The following PALD1 variants were observed in gnomAD, a reference collection of about 807,000 sequenced individuals.
PALD1 encodes paladin.
PALD1 carries 57 observed loss-of-function variants against 96.0 expected under a neutral mutation model. The observed-to-expected ratio is 0.59, with a 90% CI of 0.48 to 0.74. The LOEUF (loss-of-function observed/expected upper bound fraction) is 0.74, where lower values mean the gene tolerates loss of function less well. Ranked by LOEUF, PALD1 falls within the 30% of genes least tolerant of loss-of-function variation. The pLI is 0.00. For synonymous variants in PALD1, 464 were observed against 473.6 expected, an observed-to-expected ratio of 0.98 and a Z score of 0.26; for missense variants, 1,063 against 1,143.7, an observed-to-expected ratio of 0.93 and a Z score of 1.02.
At chr10:70,477,600 C>A (rs1280686143), upstream of PALD1, among the ~76,000 whole-genome samples, 1 of 152,176 alleles carries the variant, frequency 6.6e-6, no homozygotes, top group East Asian at 1.9e-4. Context: ...TATAACTTCG[C>A]GAGGCACTTA....
intron 19 of PALD1, 117 bp downstream of exon 19, chr10:70,564,636 GC>G (rs1311634621): frequency 2.2e-6 from 2 of 919,662 alleles, no homozygotes; most frequent in Non-Finnish European, 3.3e-6. Context: ...GGCGGGAAGA[GC>G]CCCCATCCCC....
At chr10:70,519,280 C>T (rs189664155) in intron 1 of PALD1, among the ~76,000 whole-genome samples, 175 of 152,156 alleles carry the variant, frequency 1.2e-3, no homozygotes, top group African/African-American at 3.8e-3. Context: ...TACGACAAAA[C>T]GCCATGAACT....
chr10:70,528,035 G>GT (rs377076283), intron 2 of PALD1, among the ~76,000 whole-genome samples: 105 of 152,196 alleles, frequency 6.9e-4, no homozygotes, highest in Middle Eastern at 3.4e-3. Flanking sequence ...GCGGTGTTTG[G>GT]TTTTTTGTCC....
chr10:70,532,856 C>T (rs1014338369), intron 6 of PALD1, 75 bp downstream of exon 6: 2 of 1,560,706 alleles, frequency 1.3e-6, no homozygotes, highest in African/African-American at 1.4e-5. Context: ...TCAGTTTCAC[C>T]ATCTGCAGGT....
At chr10:70,520,673 TTTTC>T (rs1330260010) in intron 1 of PALD1, among the ~76,000 whole-genome samples, 2 of 137,846 alleles carry the variant, frequency 1.5e-5, no homozygotes, top group African/African-American at 2.8e-5. Context: ...GTTTCTTTTC[TTTTC>T]TTTCTTTCTT....
intron 1 of PALD1, among the ~76,000 whole-genome samples, chr10:70,501,581 G>A (rs1441971106): frequency 6.6e-6 from 1 of 152,224 alleles, no homozygotes. Context: ...TGGGGTCAGG[G>A]TCCCTTGGGC....
At chr10:70,503,191 T>G (rs1846329774) in intron 1 of PALD1, among the ~76,000 whole-genome samples, 1 of 152,206 alleles carries the variant, frequency 6.6e-6, no homozygotes, top group Non-Finnish European at 1.5e-5. Context: ...ATTTCTGGGT[T>G]TTCCATTACA....
chr10:70,533,006 T>C lies in PALD1; in HGVS notation c.806T>C (p.Leu269Pro). Residue 269 changes from leucine to proline, a missense_variant, in exon 7 of 20, where the codon CTG becomes CCG. Leu to Pro is a moderately conservative substitution (Grantham distance 98). Transcript: ENST00000263563. ...FLQPTYRYHR[L>P]PLPEQGSPLE... ...CCCTCACCTGGCAGGTACCACCGCC[T>C]GCCCCTGCCCGAGCAAGGGAGTCCC... 1 of 1,580,146 alleles carries C rather than the reference T, an allele frequency of 6.3e-7. No individual in the cohort carries two copies. Among genetic ancestry groups the C allele is most frequent in the Admixed American group, 1.8e-5 (1 of 55,476 alleles).
Position 70,529,225 on chromosome 10 carries a change from C to G in PALD1, c.186-4C>G, listed in dbSNP as rs778468288. The G allele has an allele frequency of 1.0e-4, 29 of 288,506 alleles. 4 individuals carry two copies. Among genetic ancestry groups the G allele is most frequent in the Admixed American group, 7.8e-4 (17 of 21,748 alleles). 17.9% of individuals were successfully genotyped at this position (288,506 alleles called of 1,614,324 possible). On this transcript the variant is annotated splice_region_variant and splice_polypyrimidine_tract_variant and intron_variant, in intron 2 of 19. Coordinates refer to ENST00000263563, the MANE Select transcript of PALD1 (RefSeq NM_014431.3). Reference sequence around the variant, plus strand: ...TCCATTCTGCCCCCCCCCCCCCCCCCCAGGTACAACTGCAAGGAGGAGTTC... The same window carrying G: ...TCCATTCTGCCCCCCCCCCCCCCCCGCAGGTACAACTGCAAGGAGGAGTTC...
intron 1 of PALD1, among the ~76,000 whole-genome samples, chr10:70,489,862 A>G (rs1414956091): frequency 6.6e-6 from 1 of 152,158 alleles, no homozygotes; most frequent in Non-Finnish European, 1.5e-5. Flanking sequence ...AGATTTGCTA[A>G]TTCTAGACAT....
chr10:70,494,366 A>G (rs1158254557), intron 1 of PALD1, among the ~76,000 whole-genome samples: 2 of 152,232 alleles, frequency 1.3e-5, no homozygotes, highest in Non-Finnish European at 1.5e-5. Flanking sequence ...TGCCTCACAC[A>G]TAGGTGGTGT....
chr10:70,470,508 C>CTAGAG, the PALD1 span, among the ~76,000 whole-genome samples: 3 of 149,338 alleles, frequency 2.0e-5, no homozygotes, highest in Non-Finnish European at 4.5e-5. Flanking sequence ...GTATACAAGC[C>CTAGAG]TATAAGTGTG....
At chr10:70,493,793 T>A (rs2132275779) in intron 1 of PALD1, among the ~76,000 whole-genome samples, 1 of 152,354 alleles carries the variant, frequency 6.6e-6, no homozygotes, top group South Asian at 2.1e-4. Context: ...TGTCCTCTGC[T>A]GCTAGCCCCG....
chr10:70,498,662 C>T (rs528149601), intron 1 of PALD1, among the ~76,000 whole-genome samples: 3 of 151,772 alleles, frequency 2.0e-5, no homozygotes, highest in South Asian at 4.2e-4. Context: ...CGCGGTGGCT[C>T]ACGCCTGTAA....
upstream of PALD1, among the ~76,000 whole-genome samples, chr10:70,475,100 A>T (rs1845805964): frequency 6.6e-6 from 1 of 152,242 alleles, no homozygotes; most frequent in Non-Finnish European, 1.5e-5. Context: ...TTTCCCAGGA[A>T]GCAAGAACTG....
In PALD1 at chr10:70,540,547, G is replaced by C. The variant is rs367943881; in HGVS notation, c.1909-555G>C. Among the ~76,000 whole-genome samples, 1 of 152,082 alleles carries C rather than the reference G, an allele frequency of 6.6e-6. No homozygotes were observed. Among genetic ancestry groups the C allele is most frequent in the African/African-American group, 2.4e-5 (1 of 41,376 alleles). On this transcript the variant is annotated intron_variant, in intron 15 of 19. Coordinates refer to ENST00000263563, the MANE Select transcript of PALD1 (RefSeq NM_014431.3). This position sits in a 1 kb window ranked among gnomAD's most constrained non-coding sequence, Gnocchi z 4.2. Reference sequence around the variant, plus strand: ...GTAGGTGAGCCACCGTGTGCGTGGTGCGTGTGTTGTAGGTGGGTCGCTGTG... The same window carrying C: ...GTAGGTGAGCCACCGTGTGCGTGGTCCGTGTGTTGTAGGTGGGTCGCTGTG...
chr10:70,482,796 T>A (rs954399719), intron 1 of PALD1, among the ~76,000 whole-genome samples: 2 of 152,144 alleles, frequency 1.3e-5, no homozygotes, highest in Admixed American at 6.5e-5. Context: ...AGCAACTCCC[T>A]TATGAGAATG....
intron 1 of PALD1, among the ~76,000 whole-genome samples, chr10:70,519,699 C>T (rs111904737): frequency 0.084 from 12,716 of 151,912 alleles, 1,223 homozygotes; most frequent in African/African-American, 0.23. Context: ...CTTACCCTCC[C>T]GAGTAGCTGG....
chr10:70,476,233 A>G (rs756986303), upstream of PALD1, among the ~76,000 whole-genome samples: 29 of 152,120 alleles, frequency 1.9e-4, no homozygotes, highest in Non-Finnish European at 1.9e-4. Flanking sequence ...GCAGTTTGAG[A>G]GGCTCAAATG....
Sources: allele counts gnomAD v4.1 joint callset (sites outside exome capture counted in the v4.1 genomes callset), GRCh38; gene constraint gnomAD v4.1.1; non-coding constraint Gnocchi (gnomAD v3.1); transcripts MANE v1.5; gene names NCBI Gene and HGNC (gene_info 2026-07-23, HGNC 2026-07-21).